Variants in CNIH3 observed in about 807,000 individuals in gnomAD.
CNIH3 encodes cornichon family AMPA receptor auxiliary protein 3.
In CNIH3, 14 loss-of-function variants were observed where a neutral mutation model predicts 24.1. The ratio of observed to expected loss-of-function variants is 0.58; its 90% CI spans 0.38 to 0.91. CNIH3 has a LOEUF of 0.91. Ranked by LOEUF, CNIH3 falls within the 40% of genes least tolerant of loss-of-function variation. The probability of loss-of-function intolerance (pLI) is 0.00; values close to 1 mark genes in which losing one functional copy is unlikely to be tolerated. For missense variants in CNIH3, 178 were observed against 196.8 expected (o/e 0.90, Z 0.57); for synonymous variants, 68 against 73.8 (o/e 0.92, Z 0.40).
intron 1 of CNIH3, among the ~76,000 whole-genome samples, chr1:224,463,568 G>A (rs1038478709): frequency 2.0e-4 from 30 of 150,526 alleles, no homozygotes; most frequent in African/African-American, 7.1e-4. Flanking sequence ...CACCATGCCC[G>A]GCTAATTTTG....
At chr1:224,441,259 A>T (rs1053987396) in intron 1 of CNIH3, among the ~76,000 whole-genome samples, 39 of 152,230 alleles carry the variant, frequency 2.6e-4, no homozygotes, top group Non-Finnish European at 2.5e-4. Context: ...TGTTCATAAT[A>T]AAAACATGCC....
At chr1:224,592,183 C>T (rs778813420), downstream of CNIH3, among the ~76,000 whole-genome samples, 4 of 151,558 alleles carry the variant, frequency 2.6e-5, no homozygotes, top group Non-Finnish European at 4.4e-5. Flanking sequence ...TGTGTGCATA[C>T]ATATATGTGC....
intron 4 of CNIH3, among the ~76,000 whole-genome samples, chr1:224,572,133 G>A (rs1053530272): frequency 2.0e-5 from 3 of 152,266 alleles, no homozygotes; most frequent in Middle Eastern, 6.8e-3. Context: ...GTGGAGAACT[G>A]GAAATTGTGT....
intron 1 of CNIH3, among the ~76,000 whole-genome samples, chr1:224,659,190 C>T (rs956489072): frequency 6.6e-6 from 1 of 152,192 alleles, no homozygotes; most frequent in South Asian, 2.1e-4. Context: ...TTGTCACCCT[C>T]TCCTGGGTCT....
At chr1:224,435,487 G>C (rs1250659353) in intron 1 of CNIH3, among the ~76,000 whole-genome samples, 1 of 152,212 alleles carries the variant, frequency 6.6e-6, no homozygotes, top group Non-Finnish European at 1.5e-5. Context: ...GTGGTGTGTA[G>C]AGAAGGGGAG....
chr1:224,657,683 G>A (rs1685163899), intron 1 of CNIH3, among the ~76,000 whole-genome samples: 1 of 152,102 alleles, frequency 6.6e-6, no homozygotes, highest in Non-Finnish European at 1.5e-5. Flanking sequence ...GAGAGTCCTG[G>A]ACGTTTCCTC....
chr1:224,500,259 C>T (rs949634930), intron 1 of CNIH3, among the ~76,000 whole-genome samples: 11 of 152,216 alleles, frequency 7.2e-5, no homozygotes, highest in African/African-American at 2.6e-4. Context: ...GTCATCCTCC[C>T]ACCTCAGCCT....
intron 1 of CNIH3, among the ~76,000 whole-genome samples, chr1:224,462,712 T>A (rs1225539100): frequency 7.1e-6 from 1 of 140,164 alleles, no homozygotes; most frequent in Non-Finnish European, 1.5e-5. Context: ...TGATCACGGC[T>A]CACCAGAGCC....
chr1:224,601,504 C>G (rs184356765), intron 3 of CNIH3, among the ~76,000 whole-genome samples: 1 of 152,156 alleles, frequency 6.6e-6, no homozygotes, highest in Non-Finnish European at 1.5e-5. Context: ...GGGAGACTGG[C>G]TTTCCCTGGC....
chr1:224,734,796 T>C lies in CNIH3; in HGVS notation c.455+90T>C. 5 of 1,413,676 alleles carry C rather than the reference T, an allele frequency of 3.5e-6. No homozygotes were observed. The South Asian group carries it at 6.1e-5, about 17-fold the overall frequency. The allele number at this position is 1,413,676 out of a possible 1,614,324, so 87.6% of individuals were successfully genotyped here. ...CCTCTGGGAGGCGTCCTTTGGGAGA[T>C]GGCGTGCGAGGGTGGGAGTCATGGC... On this transcript the variant is annotated intron_variant, in intron 5 of 5. Transcript: ENST00000272133.
At chr1:224,717,305 TC>T (rs1558328678) in intron 3 of CNIH3, among the ~76,000 whole-genome samples, 1 of 152,144 alleles carries the variant, frequency 6.6e-6, no homozygotes, top group Non-Finnish European at 1.5e-5. Context: ...TCTCACTGTA[TC>T]CTCACATGGC....
intron 1 of CNIH3, among the ~76,000 whole-genome samples, chr1:224,618,707 C>T (rs1023590767): frequency 6.6e-6 from 1 of 152,190 alleles, no homozygotes. Context: ...TTGTGTAAAT[C>T]CGTGCATCAG....
downstream of CNIH3, among the ~76,000 whole-genome samples, chr1:224,538,031 A>C (rs1679359418): frequency 6.6e-6 from 1 of 151,784 alleles, no homozygotes; most frequent in South Asian, 2.1e-4. Context: ...GCTCACTGCA[A>C]CCTCTACCTC....
intron 1 of CNIH3, among the ~76,000 whole-genome samples, chr1:224,443,713 T>TATATA (rs1558461722): frequency 4.7e-5 from 7 of 148,234 alleles, no homozygotes; most frequent in African/African-American, 1.7e-4. Flanking sequence ...ATATATATAT[T>TATATA]TTTTTAGGCT....
exon 3 of CNIH3, chr1:224,546,891 C>G: frequency 6.1e-6 from 6 of 985,252 alleles, no homozygotes; most frequent in Non-Finnish European, 7.2e-6. Context: ...TGGGACACAG[C>G]AGGTGCTGGA....
chr1:224,683,353 A>T (rs1398596103), intron 2 of CNIH3, among the ~76,000 whole-genome samples: 3 of 152,210 alleles, frequency 2.0e-5, no homozygotes, highest in Non-Finnish European at 4.4e-5. Flanking sequence ...TAAATGGAAG[A>T]CTGCTAGACA....
At chr1:224,585,954 A>C (rs1164572636) in intron 5 of CNIH3, among the ~76,000 whole-genome samples, 1 of 152,282 alleles carries the variant, frequency 6.6e-6, no homozygotes, top group African/African-American at 2.4e-5. Flanking sequence ...CTTCGTTGAA[A>C]GAGAAAAGGG....
At chr1:224,522,542 A>C (rs1336558314) in intron 2 of CNIH3, among the ~76,000 whole-genome samples, 1 of 152,216 alleles carries the variant, frequency 6.6e-6, no homozygotes, top group Non-Finnish European at 1.5e-5. Context: ...TGGAATACAC[A>C]AACAACTCCA....
chr1:224,512,503 G>A (rs186649849), upstream of CNIH3, among the ~76,000 whole-genome samples: 6 of 152,202 alleles, frequency 3.9e-5, no homozygotes, highest in African/African-American at 1.4e-4. Context: ...AAAAAATGGA[G>A]CTATACAGAA....
Sources: allele counts gnomAD v4.1 joint callset (sites outside exome capture counted in the v4.1 genomes callset), GRCh38; gene constraint gnomAD v4.1.1; transcripts MANE v1.5; gene names NCBI Gene and HGNC (gene_info 2026-07-23, HGNC 2026-07-21).